The following SOX5 variants were observed in gnomAD, a reference collection of about 807,000 sequenced individuals.
The protein encoded by SOX5 is transcription factor SOX-5.
A neutral mutation model predicts 92.0 loss-of-function variants in SOX5; 9 were observed. That is an observed-to-expected ratio of 0.10 (90% CI 0.06 to 0.17). SOX5 has a LOEUF of 0.17. SOX5 is among the 10% of genes least tolerant of loss of function. The pLI, the probability that SOX5 is intolerant of heterozygous loss-of-function variation, is 1.00. For missense variants in SOX5, 642 were observed against 944.5 expected, an observed-to-expected ratio of 0.68 and a Z score of 4.20; for synonymous variants, 344 against 336.3, an observed-to-expected ratio of 1.02 and a Z score of -0.25.
intron 6 of SOX5, among the ~76,000 whole-genome samples, chr12:23,727,404 G>A (rs1314512385): frequency 6.6e-6 from 1 of 152,076 alleles, no homozygotes; most frequent in Admixed American, 6.6e-5. Flanking sequence ...GAGGATTCTG[G>A]AGGTTTTATT....
intron 4 of SOX5, among the ~76,000 whole-genome samples, chr12:24,077,804 T>C (rs991823869): frequency 7.2e-6 from 1 of 138,146 alleles, no homozygotes; most frequent in African/African-American, 2.6e-5. Context: ...TATATATATA[T>C]ATGCAGCTAA....
intron 1 of SOX5, among the ~76,000 whole-genome samples, chr12:23,925,175 A>T (rs73068225): frequency 6.6e-6 from 1 of 152,134 alleles, no homozygotes; most frequent in Non-Finnish European, 1.5e-5. Flanking sequence ...CTCATAAATC[A>T]GTACAATGCT....
chr12:24,242,863 TTTATC>T (rs1937732130), intron 3 of SOX5, among the ~76,000 whole-genome samples: 1 of 152,172 alleles, frequency 6.6e-6, no homozygotes, highest in Non-Finnish European at 1.5e-5. Context: ...CTTCTAGTAA[TTTATC>T]TTATATAAGT....
At chr12:24,518,864 TATG>T (rs1950024155) in intron 1 of SOX5, among the ~76,000 whole-genome samples, 1 of 152,206 alleles carries the variant, frequency 6.6e-6, no homozygotes, top group African/African-American at 2.4e-5. Context: ...ACTTCCTTAA[TATG>T]ATATTTGTAT....
At chr12:23,982,474 G>A (rs1391782) in intron 4 of SOX5, among the ~76,000 whole-genome samples, 96,903 of 151,944 alleles carry the variant, frequency 0.64, 31,004 homozygotes, top group Non-Finnish European at 0.66. Context: ...GATTCATTAT[G>A]TAATAAAAAA....
chr12:23,542,890 A>C (rs904923073), intron 13 of SOX5, among the ~76,000 whole-genome samples: 2 of 152,244 alleles, frequency 1.3e-5, no homozygotes, highest in African/African-American at 4.8e-5. Context: ...ACAAATGATC[A>C]GTAGCAATAT....
intron 2 of SOX5, among the ~76,000 whole-genome samples, chr12:23,889,549 C>G (rs1013212721): frequency 3.9e-5 from 6 of 152,142 alleles, no homozygotes; most frequent in Non-Finnish European, 7.3e-5. Flanking sequence ...ATCCCAGGAG[C>G]TGACAGTGAG....
chr12:23,758,033 A>G (rs1203426274), intron 3 of SOX5, among the ~76,000 whole-genome samples: 1 of 150,874 alleles, frequency 6.6e-6, no homozygotes, highest in African/African-American at 2.4e-5. Context: ...AAAAAAAAAA[A>G]AAGAATAACT....
chr12:24,216,259 G>A (rs1220985239), intron 3 of SOX5, among the ~76,000 whole-genome samples: 4 of 152,204 alleles, frequency 2.6e-5, no homozygotes, highest in Admixed American at 2.6e-4. Context: ...CGAGGCGGAC[G>A]GATCACGAGG....
At chr12:23,680,600 T>C (rs1003815929) in intron 6 of SOX5, among the ~76,000 whole-genome samples, 3 of 151,912 alleles carry the variant, frequency 2.0e-5, no homozygotes, top group African/African-American at 7.2e-5. Flanking sequence ...ATTCTAAAAA[T>C]TAATGACTGA....
intron 1 of SOX5, among the ~76,000 whole-genome samples, chr12:23,931,926 A>T (rs1941503840): frequency 6.6e-6 from 1 of 151,624 alleles, no homozygotes; most frequent in South Asian, 2.1e-4. Context: ...CATTATGAAT[A>T]TGTGGTAATG....
intron 1 of SOX5, among the ~76,000 whole-genome samples, chr12:24,408,409 C>T (rs931489894): frequency 1.3e-5 from 2 of 152,132 alleles, no homozygotes; most frequent in Admixed American, 6.5e-5. Context: ...TTTCCCTCAT[C>T]GGTAACAGCT....
At chr12:24,142,532 C>T (rs868140948) in intron 4 of SOX5, among the ~76,000 whole-genome samples, 6 of 151,834 alleles carry the variant, frequency 4.0e-5, no homozygotes, top group South Asian at 4.2e-4. Context: ...TTACTTTTTA[C>T]GTAAAGCACA....
At chr12:23,615,763 C>A (rs1444042014) in intron 8 of SOX5, among the ~76,000 whole-genome samples, 1 of 152,004 alleles carries the variant, frequency 6.6e-6, no homozygotes, top group African/African-American at 2.4e-5. Context: ...GGTATATGCC[C>A]AATAATGGGA....
At chr12:24,197,968 T>C (rs1957164343) in intron 4 of SOX5, among the ~76,000 whole-genome samples, 1 of 152,190 alleles carries the variant, frequency 6.6e-6, no homozygotes, top group South Asian at 2.1e-4. Flanking sequence ...AACTTGCTCA[T>C]CTGTAAAATG....
At position 23,895,796 on chromosome 12, in the gene SOX5, T is replaced by C. The variant is rs1264512034; in HGVS notation, c.267A>G (p.Thr89=). 2 of 1,604,146 alleles carry C rather than the reference T, an allele frequency of 1.2e-6. No homozygotes were observed. Among genetic ancestry groups the C allele is most frequent in the South Asian group, 1.1e-5 (1 of 90,892 alleles). Reference sequence around the variant, plus strand: ...CAATAAACCATGAGAAACCTACCATTGTATTGTGCTGAGAAGTGGGAGTCC... The same window carrying C: ...CAATAAACCATGAGAAACCTACCATCGTATTGTGCTGAGAAGTGGGAGTCC... ...GHRTPTSQHN[T]MEVDGNKVMS... is the part of the protein sequence containing the mutation. The change falls in exon 2 of 15, where the codon ACA becomes ACG. Residue 89 remains threonine, a synonymous_variant. Coordinates refer to ENST00000451604, the MANE Select transcript of SOX5 (RefSeq NM_006940.6).
At chr12:24,179,828 T>C (rs1358222962) in intron 4 of SOX5, among the ~76,000 whole-genome samples, 3 of 151,946 alleles carry the variant, frequency 2.0e-5, no homozygotes, top group Admixed American at 6.6e-5. Flanking sequence ...TATCAAAAGG[T>C]CAACCCACCC....
chr12:24,153,526 G>A (rs1440227990), intron 4 of SOX5, among the ~76,000 whole-genome samples: 1 of 152,150 alleles, frequency 6.6e-6, no homozygotes, highest in African/African-American at 2.4e-5. Flanking sequence ...GATATTGGAA[G>A]TAGTAAACTT....
At chr12:24,560,462 A>G (rs1032194784) in intron 1 of SOX5, among the ~76,000 whole-genome samples, 1 of 152,220 alleles carries the variant, frequency 6.6e-6, no homozygotes, top group Non-Finnish European at 1.5e-5. Flanking sequence ...CACAGTGCCT[A>G]AAAGAACTTC....
Sources: allele counts gnomAD v4.1 joint callset (sites outside exome capture counted in the v4.1 genomes callset), GRCh38; gene constraint gnomAD v4.1.1; transcripts MANE v1.5; gene names NCBI Gene and HGNC (gene_info 2026-07-23, HGNC 2026-07-21).